CSMD1: variants seen among roughly 807,000 people sequenced by gnomAD.
CSMD1 encodes the protein CUB and Sushi multiple domains 1.
A neutral mutation model predicts 417.5 loss-of-function variants in CSMD1; 213 were observed. The observed-to-expected ratio is 0.51, with a 90% CI of 0.46 to 0.57. The LOEUF is 0.57. Among genes scored for constraint, CSMD1 ranks in the 20% least tolerant of loss-of-function variants. The pLI is 0.00. For synonymous variants in CSMD1, 2,862 were observed against 1,736.8 expected (o/e 1.65, Z -16.11); for missense variants, 6,923 against 4,529.7 (o/e 1.53, Z -15.17).
At chr8:4,843,821 G>T (rs969937741) in intron 1 of CSMD1, among the ~76,000 whole-genome samples, 2 of 152,198 alleles carry the variant, frequency 1.3e-5, no homozygotes, top group African/African-American at 2.4e-5. Context: ...TAGAATCAGT[G>T]GAAGCACAGG....
At chr8:3,783,224 C>A (rs535792934) in intron 5 of CSMD1, among the ~76,000 whole-genome samples, 2 of 152,350 alleles carry the variant, frequency 1.3e-5, no homozygotes, top group South Asian at 2.1e-4. Flanking sequence ...GATAGCAGTG[C>A]ATGGTCAGGC....
chr8:3,964,346 A>G (rs1297682403), intron 5 of CSMD1, among the ~76,000 whole-genome samples: 2 of 152,178 alleles, frequency 1.3e-5, no homozygotes, highest in African/African-American at 4.8e-5. Context: ...GACTTATTTG[A>G]GCACTGGTAC....
At chr8:4,284,860 A>G (rs1166423735) in intron 3 of CSMD1, among the ~76,000 whole-genome samples, 1 of 152,170 alleles carries the variant, frequency 6.6e-6, no homozygotes, top group East Asian at 1.9e-4. Flanking sequence ...ACAAAAACAA[A>G]AAAAAACTAG....
At chr8:3,937,854 C>T (rs141250554) in intron 5 of CSMD1, among the ~76,000 whole-genome samples, 1,547 of 152,148 alleles carry the variant, frequency 0.01, 26 homozygotes, top group African/African-American at 0.035. Flanking sequence ...TAATTAAATT[C>T]AAATATTACT....
chr8:3,919,737 T>A (rs1241529257), intron 5 of CSMD1, among the ~76,000 whole-genome samples: 2 of 152,146 alleles, frequency 1.3e-5, no homozygotes, highest in African/African-American at 2.4e-5. Flanking sequence ...ATGGACATTT[T>A]AAAAATATTA....
chr8:3,354,453 G>T (rs919183957), intron 21 of CSMD1, among the ~76,000 whole-genome samples: 1 of 45,486 alleles, frequency 2.2e-5, no homozygotes, highest in African/African-American at 6.5e-5. Context: ...GCTCAACTAA[G>T]AAACAGAAAC....
chr8:4,695,421 G>C (rs563993282), intron 1 of CSMD1, among the ~76,000 whole-genome samples: 11 of 152,176 alleles, frequency 7.2e-5, no homozygotes, highest in Admixed American at 7.2e-4. Context: ...GTAATTAGTC[G>C]CGGATGACCA....
chr8:4,931,916 G>A (rs960045053), intron 1 of CSMD1, among the ~76,000 whole-genome samples: 9 of 152,106 alleles, frequency 5.9e-5, no homozygotes, highest in African/African-American at 1.9e-4. Context: ...ATGTCCCTTG[G>A]ACATTAAGAT....
At chr8:2,981,353 G>T (rs185985457) in intron 54 of CSMD1, among the ~76,000 whole-genome samples, 41 of 152,320 alleles carry the variant, frequency 2.7e-4, no homozygotes, top group African/African-American at 7.7e-4. Context: ...TGAGCTATTG[G>T]TTTGTAAACT....
chr8:3,308,330 GT>G lies in CSMD1; in HGVS notation c.3804del (p.Lys1268AsnfsTer7), dbSNP rs1563254617. 6.2e-7 allele frequency: 1 copy of G among 1,611,338 alleles called. No individual in the cohort carries two copies. ...CACTCACCTATGCACGAAGGTAGTG[GT>G]TTGTCCCACACTCTCCTGTCTCCAC... ...CLSGDRRVWDKPLPSCIAECG... is the reference protein window; with the variant it reads ...CLSGDRRVWDXPLPSCIAECG... On this transcript the variant is annotated frameshift_variant, in exon 24 of 70. Coordinates refer to ENST00000635120, the MANE Select transcript of CSMD1 (RefSeq NM_033225.6). LOFTEE classifies it high-confidence loss of function.
At chr8:3,947,897 A>ACCCT (rs1244946153) in intron 5 of CSMD1, among the ~76,000 whole-genome samples, 33 of 152,262 alleles carry the variant, frequency 2.2e-4, no homozygotes, top group African/African-American at 7.5e-4. Context: ...CTATTAGTTA[A>ACCCT]AAGTCCTGTT....
At chr8:4,003,675 T>C (rs1014896236) in intron 4 of CSMD1, among the ~76,000 whole-genome samples, 4 of 152,176 alleles carry the variant, frequency 2.6e-5, no homozygotes, top group Non-Finnish European at 5.9e-5. Context: ...CTGATCTAGT[T>C]GTATGTTCCT....
At chr8:4,931,958 T>G (rs1401410736) in intron 1 of CSMD1, among the ~76,000 whole-genome samples, 2 of 151,926 alleles carry the variant, frequency 1.3e-5, no homozygotes, top group African/African-American at 4.8e-5. Context: ...GTAACATGTA[T>G]TAGTTATTAA....
rs1005340234 is a variant in CSMD1, at chr8:4,129,255, G to A, written c.416-97156C>T. On this transcript the variant is annotated intron_variant, in intron 3 of 69. Transcript: ENST00000635120. ...TTTCCTCTTCTGAGGATGTCTCCTG[G>A]GGAGCCTTCAGATCTGCTGTCAACA... is the stretch of plus-strand genomic sequence containing the variant. Among the ~76,000 whole-genome samples, 79 of 151,874 alleles carry A rather than the reference G, an allele frequency of 5.2e-4. 9 individuals are homozygous for A. Among genetic ancestry groups the A allele is most frequent in the Non-Finnish European group, 1.5e-5 (1 of 67,986 alleles).
At chr8:4,320,709 A>T (rs112278618) in intron 3 of CSMD1, among the ~76,000 whole-genome samples, 6 of 152,178 alleles carry the variant, frequency 3.9e-5, no homozygotes, top group Non-Finnish European at 8.8e-5. Flanking sequence ...ATGGCTGCAT[A>T]GTATTCCATG....
chr8:4,074,893 T>C (rs1799742322), intron 3 of CSMD1, among the ~76,000 whole-genome samples: 1 of 152,168 alleles, frequency 6.6e-6, no homozygotes, highest in Non-Finnish European at 1.5e-5. Context: ...AACTTCCACG[T>C]GGCAGAAGTA....
intron 23 of CSMD1, among the ~76,000 whole-genome samples, chr8:3,316,521 C>T (rs1431060740): frequency 1.7e-5 from 2 of 114,580 alleles, no homozygotes; most frequent in African/African-American, 7.2e-5. Context: ...TGGAGGGGTT[C>T]AGTGAGCCTT....
intron 2 of CSMD1, among the ~76,000 whole-genome samples, chr8:4,472,486 G>A (rs1007947069): frequency 1.3e-5 from 2 of 151,808 alleles, no homozygotes; most frequent in African/African-American, 4.8e-5. Context: ...AGGGACCCGG[G>A]GAACCTTATT....
chr8:4,052,824 G>C (rs1338602600), intron 3 of CSMD1, among the ~76,000 whole-genome samples: 2 of 152,018 alleles, frequency 1.3e-5, no homozygotes, highest in Non-Finnish European at 2.9e-5. Context: ...GCAGATTTGG[G>C]GCAGGGCCTA....
Sources: allele counts gnomAD v4.1 joint callset (sites outside exome capture counted in the v4.1 genomes callset), GRCh38; gene constraint gnomAD v4.1.1; transcripts MANE v1.5; gene names NCBI Gene and HGNC (gene_info 2026-07-23, HGNC 2026-07-21).